AGBL1: variants seen among roughly 807,000 people sequenced by gnomAD.
AGBL1 encodes the protein cytosolic carboxypeptidase 4.
Under a neutral mutation model 118.9 loss-of-function variants are expected in AGBL1, and 130 were observed. That is an observed-to-expected ratio of 1.09 (90% CI 0.95 to 1.26). AGBL1 has a LOEUF of 1.26. Ranked by LOEUF, AGBL1 falls within the 50% of genes most tolerant of loss-of-function variation. AGBL1 has a pLI of 0.00. For synonymous variants in AGBL1, 555 were observed against 478.9 expected, an observed-to-expected ratio of 1.16 and a Z score of -2.08; for missense variants, 1,584 against 1,298.1, an observed-to-expected ratio of 1.22 and a Z score of -3.38.
chr15:87,029,287 T>C (rs2701394), downstream of AGBL1, among the ~76,000 whole-genome samples: 70,007 of 151,466 alleles, frequency 0.46, 18,708 homozygotes, highest in African/African-American at 0.74. Flanking sequence ...ATATCCTTTA[T>C]GTAATACTGA....
intron 1 of AGBL1, among the ~76,000 whole-genome samples, chr15:86,110,332 A>G (rs1249366472): frequency 6.6e-6 from 1 of 152,254 alleles, no homozygotes; most frequent in Non-Finnish European, 1.5e-5. Context: ...TAAACAGTGG[A>G]TTAATACATA....
At chr15:86,851,487 G>A (rs111542260) in intron 22 of AGBL1, among the ~76,000 whole-genome samples, 2,430 of 152,236 alleles carry the variant, frequency 0.016, 31 homozygotes, top group Non-Finnish European at 0.025. Flanking sequence ...GTTTGAAATG[G>A]TAAGATATAT....
chr15:86,846,974 G>A (rs1302934077), intron 22 of AGBL1, among the ~76,000 whole-genome samples: 1 of 151,592 alleles, frequency 6.6e-6, no homozygotes, highest in East Asian at 1.9e-4. Flanking sequence ...TTTATTCTCT[G>A]TTCTTCAGAT....
chr15:86,624,855 G>A (rs2084860177), intron 21 of AGBL1, among the ~76,000 whole-genome samples: 2 of 152,158 alleles, frequency 1.3e-5, no homozygotes, highest in South Asian at 4.1e-4. Context: ...TGCCCACATT[G>A]CCAAGTGAGT....
chr15:86,682,202 G>T (rs1187828894), intron 22 of AGBL1, among the ~76,000 whole-genome samples: 1 of 152,106 alleles, frequency 6.6e-6, no homozygotes, highest in East Asian at 1.9e-4. Flanking sequence ...AACTCCGCCT[G>T]GGAATTATTA....
chr15:86,399,477 T>A (rs1377080456), intron 18 of AGBL1, among the ~76,000 whole-genome samples: 2 of 152,180 alleles, frequency 1.3e-5, no homozygotes, highest in African/African-American at 4.8e-5. Flanking sequence ...GAGCCCTGGA[T>A]CTAGAGTCAT....
intron 22 of AGBL1, among the ~76,000 whole-genome samples, chr15:86,745,521 G>C (rs2077743340): frequency 1.3e-5 from 2 of 151,956 alleles, no homozygotes; most frequent in South Asian, 2.1e-4. Flanking sequence ...TCTTTTTCTG[G>C]ACCTTATGTA....
chr15:86,666,409 T>A (rs1038968304), intron 21 of AGBL1, among the ~76,000 whole-genome samples: 2 of 152,166 alleles, frequency 1.3e-5, no homozygotes, highest in Non-Finnish European at 2.9e-5. Context: ...TTGCCCTATC[T>A]CTAATAAATT....
At chr15:86,771,011 G>A (rs531365283) in intron 22 of AGBL1, among the ~76,000 whole-genome samples, 24 of 152,000 alleles carry the variant, frequency 1.6e-4, no homozygotes, top group Non-Finnish European at 2.6e-4. Flanking sequence ...GGCCTCACTC[G>A]TAAAGGCATC....
At chr15:86,463,252 G>A (rs1421339366) in intron 18 of AGBL1, among the ~76,000 whole-genome samples, 5 of 149,370 alleles carry the variant, frequency 3.3e-5, no homozygotes, top group African/African-American at 1.2e-4. Context: ...AGAAGTGTCT[G>A]TTCATATCCT....
intron 5 of AGBL1, among the ~76,000 whole-genome samples, chr15:86,206,835 T>C (rs1036597999): frequency 6.6e-6 from 1 of 152,226 alleles, no homozygotes. Context: ...TGTGTCTATT[T>C]TGGCATTTGT....
At chr15:86,174,015 C>T (rs139260293) in intron 5 of AGBL1, among the ~76,000 whole-genome samples, 1 of 152,028 alleles carries the variant, frequency 6.6e-6, no homozygotes, top group Non-Finnish European at 1.5e-5. Context: ...TGCATTGAAT[C>T]TGTAGATTGC....
In AGBL1 at chr15:87,007,831, G is replaced by C. The variant is rs369107913; in HGVS notation, c.3323+19743G>C. ...CTCATCTTAAAGCTGGCTCTACAAT[G>C]CTTGTTTCTATATTAAATAGCCTAA... On this transcript the variant is annotated intron_variant, in intron 24 of 24. Coordinates refer to the AGBL1 transcript ENST00000441037. Among the ~76,000 whole-genome samples, 17 of 152,264 alleles carry C rather than the reference G, an allele frequency of 1.1e-4. 1 individual carries two copies. Among genetic ancestry groups the C allele is most frequent in the Middle Eastern group, 3.4e-3 (1 of 294 alleles).
intron 18 of AGBL1, among the ~76,000 whole-genome samples, chr15:86,401,039 T>C (rs1397252681): frequency 1.3e-5 from 2 of 152,188 alleles, no homozygotes; most frequent in African/African-American, 4.8e-5. Flanking sequence ...ATCTCCATAC[T>C]GTTCTTCATA....
Position 86,410,835 on chromosome 15 carries a change from T to A in AGBL1, c.2555+13289T>A, listed in dbSNP as rs1567242810. On this transcript the variant is annotated intron_variant, in intron 18 of 22. Coordinates refer to ENST00000614907, the MANE Select transcript of AGBL1 (RefSeq NM_001386094.1). ...ATATATATATATATATATATATATA[T>A]ATATATAATATACTATTTTATATAT... Among the ~76,000 whole-genome samples the A allele has an allele frequency of 9.7e-4, 99 of 102,580 alleles. 2 individuals carry two copies. Among genetic ancestry groups the A allele is most frequent in the African/African-American group, 2.9e-3 (68 of 23,372 alleles). The allele number at this position is 102,580 out of a possible 152,430, so 67.3% of individuals were successfully genotyped here.
chr15:86,334,306 A>C (rs2080324203), intron 17 of AGBL1, among the ~76,000 whole-genome samples: 1 of 152,224 alleles, frequency 6.6e-6, no homozygotes, highest in Non-Finnish European at 1.5e-5. Flanking sequence ...GAACTGATAA[A>C]GGACTTCAGT....
At chr15:86,330,974 C>T (rs1210999264) in intron 17 of AGBL1, among the ~76,000 whole-genome samples, 1 of 152,030 alleles carries the variant, frequency 6.6e-6, no homozygotes, top group Non-Finnish European at 1.5e-5. Context: ...GTCTGTAATC[C>T]TGGCACTTTG....
At chr15:86,108,512 G>A (rs990124838) in intron 1 of AGBL1, among the ~76,000 whole-genome samples, 1 of 152,120 alleles carries the variant, frequency 6.6e-6, no homozygotes, top group African/African-American at 2.4e-5. Context: ...GGACATTGGT[G>A]CATCCTTAAC....
Position 86,615,692 on chromosome 15 carries a change from A to G in AGBL1, c.2995-58581A>G, listed in dbSNP as rs574130123. Among the ~76,000 whole-genome samples the G allele has an allele frequency of 1.3e-5, 2 of 152,204 alleles. No individual in the cohort carries two copies. Among genetic ancestry groups the G allele is most frequent in the African/African-American group, 4.8e-5 (2 of 41,462 alleles). On this transcript the variant is annotated intron_variant, in intron 21 of 22. Transcript: ENST00000614907. This position sits in a 1 kb window ranked among gnomAD's most constrained non-coding sequence, Gnocchi z 4.3. ...CATGGGTGCAAAGACATTGATTGAC[A>G]TGTTAAGAAGATTCAAAACTACTCA...
Sources: gnomAD v4.1 joint callset for allele counts (sites outside exome capture counted in the v4.1 genomes callset) on GRCh38, gnomAD v4.1.1 for gene constraint, Gnocchi (gnomAD v3.1) non-coding constraint, MANE v1.5 for transcripts, NCBI Gene and HGNC (gene_info 2026-07-23, HGNC 2026-07-21) for gene names.